The following NR2F2 variants were observed in gnomAD, a reference collection of about 807,000 sequenced individuals.
NR2F2 encodes the protein COUP transcription factor 2.
A neutral mutation model predicts 34.8 loss-of-function variants in NR2F2; 2 were observed. That is an observed-to-expected ratio of 0.06 (90% confidence interval 0.02 to 0.18). The LOEUF (loss-of-function observed/expected upper bound fraction) is 0.18, where lower values mean the gene tolerates loss of function less well. Ranked by LOEUF, NR2F2 falls within the 10% of genes least tolerant of loss-of-function variation. The probability of loss-of-function intolerance (pLI) is 1.00; values close to 1 mark genes in which losing one functional copy is unlikely to be tolerated. For synonymous variants in NR2F2, 274 were observed against 251.8 expected, an observed-to-expected ratio of 1.09 and a Z score of -0.84; for missense variants, 300 against 580.1, an observed-to-expected ratio of 0.52 and a Z score of 4.96.
At chr15:96,336,367 G>A (rs1899327349) in intron 2 of NR2F2, among the ~76,000 whole-genome samples, 1 of 152,184 alleles carries the variant, frequency 6.6e-6, no homozygotes. Context: ...TCTACATTCT[G>A]TAGACATGCA....
intron 1 of NR2F2, 72 bp from the exon 2 acceptor site, chr15:96,334,004 G>T: frequency 6.4e-7 from 1 of 1,555,932 alleles, no homozygotes. Context: ...TCGGGCTGGG[G>T]CAGACCCCGC....
intron 1 of NR2F2, chr15:96,333,381 C>CA: frequency 1.0e-6 from 1 of 1,001,828 alleles, no homozygotes; most frequent in Non-Finnish European, 1.2e-6. Context: ...GCCTCGCCGG[C>CA]TTTCCCCGGC....
upstream of NR2F2, chr15:96,326,148 C>A: frequency 1.5e-6 from 1 of 655,604 alleles, no homozygotes; most frequent in East Asian, 2.7e-5. The surrounding 1 kb of genome is among the most constrained non-coding windows in gnomAD (Gnocchi z 5.5). Context: ...CTCTTTTTCC[C>A]TGCAGGCTAG....
chr15:96,331,467 T>G lies in NR2F2; in HGVS notation c.-639T>G. On this transcript the variant is annotated 5_prime_UTR_variant, in exon 1 of 3. Coordinates refer to ENST00000394166, the MANE Select transcript of NR2F2 (RefSeq NM_021005.4). ...GGCGCCTCCGATCTCCTAGTCCTCC[T>G]GATTTCGATGGCTTTCCTGAATGGC... The G allele has an allele frequency of 4.9e-6, 6 of 1,230,978 alleles. No individual in the cohort carries two copies. The highest frequency in any genetic ancestry group is 6.1e-6 in the Non-Finnish European group (6 of 987,672). 76.3% of individuals were successfully genotyped at this position (1,230,978 alleles called of 1,614,324 possible).
At chr15:96,335,020 A>G (rs1417479662) in intron 2 of NR2F2, among the ~76,000 whole-genome samples, 1 of 152,254 alleles carries the variant, frequency 6.6e-6, no homozygotes, top group Non-Finnish European at 1.5e-5. Context: ...GCAGTGGAGC[A>G]GCCCTGACAT....
chr15:96,331,423 C>T lies in NR2F2; in HGVS notation c.-683C>T, dbSNP rs1042815437. On this transcript the variant is annotated 5_prime_UTR_variant, in exon 1 of 3. Transcript: ENST00000394166. The stretch of plus-strand genomic sequence containing the variant: ...GCCTCCGCCCCGGCCTGCCTGGCTC[C>T]CTGGGCGCGCCCGCACCCGGCGCCT... 9.8e-5 allele frequency: 121 copies of T among 1,231,496 alleles called. No individual in the cohort carries two copies. Among genetic ancestry groups the T allele is most frequent in the African/African-American group, 8.7e-4 (56 of 64,406 alleles). 76.3% of individuals were successfully genotyped at this position (1,231,496 alleles called of 1,614,324 possible).
Position 96,337,834 on chromosome 15 carries a change from A to C in NR2F2, c.*212A>C, listed in dbSNP as rs893795889. The C allele has an allele frequency of 9.1e-6, 4 of 437,308 alleles. No individual in the cohort carries two copies. The highest frequency in any genetic ancestry group is 1.4e-4 in the South Asian group (2 of 14,140). 27.1% of individuals were successfully genotyped at this position (437,308 alleles called of 1,614,324 possible). On this transcript the variant is annotated 3_prime_UTR_variant, in exon 3 of 3. Transcript: ENST00000394166. ...TACAGAATGCATTAAAAAAAAAAAA[A>C]AACTCCTGTGTCGGTCAGAACAACT...
At chr15:96,336,342 CTGT>C (rs1899326844) in intron 2 of NR2F2, among the ~76,000 whole-genome samples, 1 of 152,196 alleles carries the variant, frequency 6.6e-6, no homozygotes. Flanking sequence ...CTTTTAGTTC[CTGT>C]CCACAGACAC....
At chr15:96,327,913 T>C (rs1382368162), upstream of NR2F2, among the ~76,000 whole-genome samples, 1 of 152,200 alleles carries the variant, frequency 6.6e-6, no homozygotes, top group Non-Finnish European at 1.5e-5. Flanking sequence ...TTCTTCTCAT[T>C]ATAATAAATT....
At position 96,331,333 on chromosome 15, in the gene NR2F2, G is replaced by C. The variant is rs961971605; in HGVS notation, c.-773G>C. On this transcript the variant is annotated 5_prime_UTR_variant, in exon 1 of 3. Transcript: ENST00000394166. The stretch of plus-strand genomic sequence containing the variant: ...AGGACGACGCCGCGCAGCGCCCGAC[G>C]CGGACCACTTTCATGCTGATTCCCC... 1.7e-6 allele frequency: 2 copies of C among 1,198,894 alleles called. No individual in the cohort carries two copies. The highest frequency in any genetic ancestry group is 3.2e-5 in the African/African-American group (2 of 62,998). The allele number at this position is 1,198,894 out of a possible 1,614,324, so 74.3% of individuals were successfully genotyped here.
chr15:96,333,744 GTA>G (rs1355514658), intron 1 of NR2F2: 1 of 1,319,318 alleles, frequency 7.6e-7, no homozygotes, highest in African/African-American at 1.5e-5. Context: ...CTGTTTAGCA[GTA>G]AAGAAGAAAG....
intron 1 of NR2F2, among the ~76,000 whole-genome samples, chr15:96,332,941 C>CAAA (rs752483227): frequency 1.4e-4 from 8 of 58,032 alleles, no homozygotes; most frequent in Admixed American, 3.7e-4. Flanking sequence ...CCCACCCTCT[C>CAAA]AAAAAAAAAA....
rs542759952 is a variant in NR2F2, at chr15:96,330,878, G to C, written c.-1228G>C. 3 of 1,151,810 alleles carry C rather than the reference G, an allele frequency of 2.6e-6. No individual in the cohort carries two copies. Among genetic ancestry groups the C allele is most frequent in the Non-Finnish European group, 3.2e-6 (3 of 936,096 alleles). The allele number at this position is 1,151,810 out of a possible 1,614,324, so 71.3% of individuals were successfully genotyped here. On this transcript the variant is annotated 5_prime_UTR_variant, in exon 1 of 3. Transcript: ENST00000394166. ...TCTCCCCGAGTTGCCTCCTTTCTCC[G>C]GGTGCCGTACTGCCTTTTTTCCCCT...
chr15:96,332,913 T>C (rs1241472770), intron 1 of NR2F2, among the ~76,000 whole-genome samples: 124 of 89,032 alleles, frequency 1.4e-3, no homozygotes, highest in African/African-American at 2.2e-3. Flanking sequence ...TCCCTCCCCC[T>C]CACCCCTTTC....
upstream of NR2F2, chr15:96,326,459 C>T (rs1898988703): frequency 2.1e-6 from 2 of 959,072 alleles, no homozygotes; most frequent in Non-Finnish European, 3.3e-6. The surrounding 1 kb of genome is among the most constrained non-coding windows in gnomAD (Gnocchi z 5.5). Flanking sequence ...TATCGGTTTG[C>T]TAACGTGTAT....
Position 96,331,256 on chromosome 15 carries a change from G to T in NR2F2, c.-850G>T. On this transcript the variant is annotated 5_prime_UTR_variant, in exon 1 of 3. Transcript: ENST00000394166. ...GCGGGCGGCGGCGGCCGGAGAGAGC[G>T]AGGCGCGCGCCGGACGCCCGGGGCA... is the stretch of plus-strand genomic sequence containing the variant. 2.0e-6 allele frequency: 2 copies of T among 991,596 alleles called. No homozygotes were observed. Among genetic ancestry groups the T allele is most frequent in the Non-Finnish European group, 2.4e-6 (2 of 835,580 alleles). 61.4% of individuals were successfully genotyped at this position (991,596 alleles called of 1,614,324 possible).
chr15:96,337,149 C>G (rs770178449), intron 2 of NR2F2, among the ~76,000 whole-genome samples, 199 bp from the exon 3 acceptor site: 1 of 151,756 alleles, frequency 6.6e-6, no homozygotes, highest in Non-Finnish European at 1.5e-5. Context: ...GCTCTTTCTT[C>G]CCCCACCCCG....
At position 96,331,983 on chromosome 15, in the gene NR2F2, C is replaced by T; in HGVS notation, c.-123C>T. Reference sequence around the variant, plus strand: ...GAGCCACCCGGGGCGCCCTCCCGCGCCCTCTTGCACCCTCGCACACACAAA... The same window carrying T: ...GAGCCACCCGGGGCGCCCTCCCGCGTCCTCTTGCACCCTCGCACACACAAA... On this transcript the variant is annotated 5_prime_UTR_variant, in exon 1 of 3. Transcript: ENST00000394166. 1 of 1,207,898 alleles carries T rather than the reference C, an allele frequency of 8.3e-7. No homozygotes were observed. Among genetic ancestry groups the T allele is most frequent in the Non-Finnish European group, 1.0e-6 (1 of 972,166 alleles). The allele number at this position is 1,207,898 out of a possible 1,614,324, so 74.8% of individuals were successfully genotyped here. A position where few individuals can be genotyped will look rare whatever the true frequency, so the allele number is the denominator to read the frequency against.
chr15:96,330,829 T>A lies in NR2F2; in HGVS notation c.-1277T>A. 8.7e-7 allele frequency: 1 copy of A among 1,144,066 alleles called. No individual in the cohort carries two copies. 70.9% of individuals were successfully genotyped at this position (1,144,066 alleles called of 1,614,324 possible). On this transcript the variant is annotated 5_prime_UTR_variant, in exon 1 of 3. Transcript: ENST00000394166. ...CGGTGTGTGTGTGCGTGCGCGCGTG[T>A]GTGTTTTCTTCTTCTCCTCCTCCTC...
Sources: allele counts gnomAD v4.1 joint callset (sites outside exome capture counted in the v4.1 genomes callset), GRCh38; gene constraint gnomAD v4.1.1; non-coding constraint Gnocchi (gnomAD v3.1); transcripts MANE v1.5; gene names NCBI Gene and HGNC (gene_info 2026-07-23, HGNC 2026-07-21).